XKR6: variants seen among roughly 807,000 people sequenced by gnomAD.
XKR6 encodes the protein XK-related protein 6.
XKR6 carries 22 observed loss-of-function variants against 56.7 expected under a neutral mutation model. The observed-to-expected ratio is 0.39, with a 90% CI of 0.28 to 0.55. XKR6 has a LOEUF of 0.55. XKR6 is among the 20% of genes least tolerant of loss of function. The pLI is 0.66. For missense variants in XKR6, 852 were observed against 889.0 expected (o/e 0.96, Z 0.53); for synonymous variants, 524 against 387.8 (o/e 1.35, Z -4.13).
chr8:11,146,300 C>A (rs901756893), intron 1 of XKR6, among the ~76,000 whole-genome samples: 3 of 152,230 alleles, frequency 2.0e-5, no homozygotes, highest in Middle Eastern at 3.4e-3. Flanking sequence ...ACAAAGATTT[C>A]TAAAATATGA....
At chr8:10,959,875 G>T (rs1355889138) in intron 1 of XKR6, among the ~76,000 whole-genome samples, 1 of 152,192 alleles carries the variant, frequency 6.6e-6, no homozygotes, top group Non-Finnish European at 1.5e-5. Context: ...GTGGGAAGTG[G>T]TTCTCCTTCC....
At chr8:11,006,582 G>T (rs867910011) in intron 1 of XKR6, among the ~76,000 whole-genome samples, 1 of 152,328 alleles carries the variant, frequency 6.6e-6, no homozygotes, top group East Asian at 1.9e-4. Flanking sequence ...CACACAGAGT[G>T]AAGACAATGT....
At chr8:10,952,173 TCAAAGCCCCTGCC>T (rs1329781070) in intron 1 of XKR6, among the ~76,000 whole-genome samples, 1 of 152,076 alleles carries the variant, frequency 6.6e-6, no homozygotes, top group Non-Finnish European at 1.5e-5. Flanking sequence ...AGAGGCTGCC[TCAAAGCCCCTGCC>T]CAGGAAGGGG....
intron 1 of XKR6, among the ~76,000 whole-genome samples, chr8:11,196,419 A>T (rs1378683623): frequency 6.7e-6 from 1 of 148,994 alleles, no homozygotes; most frequent in Non-Finnish European, 1.5e-5. Context: ...AAAAGCAAAC[A>T]AAACAAAACA....
chr8:11,141,854 G>C lies in XKR6; in HGVS notation c.764+58722C>G, dbSNP rs77974658. On this transcript the variant is annotated intron_variant, in intron 1 of 2. Coordinates refer to ENST00000416569, the MANE Select transcript of XKR6 (RefSeq NM_173683.4). ...AGAAGGTAGGACAGTAATTATCTTT[G>C]GTGGAGTAGGGAGCGGGGAGTGACT... Among the ~76,000 whole-genome samples the C allele has an allele frequency of 1.5e-3, 223 of 152,216 alleles. 3 individuals carry two copies. In the South Asian group the frequency reaches 0.019, roughly 13 times the overall value.
rs1206369623 is a variant in XKR6, at chr8:11,033,269, TGGC to T, written c.765-108442_765-108440del. 1.0e-4 allele frequency among the ~76,000 whole-genome samples: 15 copies of T among 149,696 alleles called. 1 individual carries two copies. In the South Asian group the frequency reaches 1.1e-3, roughly 11 times the overall value. ...ACAGTGGAGATGCTAATGATGATGA[TGGC>T]GATGATGACGATAGTGATGGTGATG... On this transcript the variant is annotated intron_variant, in intron 1 of 2. Transcript: ENST00000416569.
Position 10,897,442 on chromosome 8 carries a change from A to T in XKR6, c.*510T>A, listed in dbSNP as rs1799914601. 6.5e-6 allele frequency: 1 copy of T among 152,682 alleles called. No individual in the cohort carries two copies. The highest frequency in any genetic ancestry group is 1.5e-5 in the Non-Finnish European group (1 of 68,094). 9.5% of individuals were successfully genotyped at this position (152,682 alleles called of 1,614,324 possible). ...AAAAATCACCAGAGAGTTTTGCATG[A>T]GAAAACGTGACAGTACTTAATGAAA... On this transcript the variant is annotated 3_prime_UTR_variant, in exon 3 of 3. Transcript: ENST00000416569.
At chr8:10,931,117 A>G (rs972385832) in intron 1 of XKR6, among the ~76,000 whole-genome samples, 1 of 152,204 alleles carries the variant, frequency 6.6e-6, no homozygotes, top group Admixed American at 6.5e-5. Context: ...TGTAAAAGTC[A>G]ATTGCGTTTC....
chr8:11,156,370 G>C (rs1801519653), intron 1 of XKR6, among the ~76,000 whole-genome samples: 1 of 152,130 alleles, frequency 6.6e-6, no homozygotes, highest in Non-Finnish European at 1.5e-5. Context: ...GTAAAACTAT[G>C]TCTGAGAGCA....
At chr8:11,094,241 A>AT (rs1458021941) in intron 1 of XKR6, among the ~76,000 whole-genome samples, 2 of 151,866 alleles carry the variant, frequency 1.3e-5, no homozygotes. Flanking sequence ...ATATATACAT[A>AT]TATATGTATG....
chr8:10,925,048 C>G (rs1563291822), intron 1 of XKR6, among the ~76,000 whole-genome samples: 2 of 152,122 alleles, frequency 1.3e-5, no homozygotes, highest in African/African-American at 4.8e-5. Context: ...AAGGATTTGA[C>G]CCCTCGTGGA....
chr8:11,148,380 C>T lies in XKR6; in HGVS notation c.764+52196G>A, dbSNP rs539537376. 5.3e-5 allele frequency among the ~76,000 whole-genome samples: 8 copies of T among 152,256 alleles called. No homozygotes were observed. In the South Asian group the frequency reaches 1.5e-3, roughly 28 times the overall value. The stretch of plus-strand genomic sequence containing the variant: ...TGTAACAAGGCAGGTGGAGGGCAGC[C>T]GTCTGCAAGCCAAGAAGAGGGGCCT... On this transcript the variant is annotated intron_variant, in intron 1 of 2. Transcript: ENST00000416569.
At chr8:11,087,597 C>T (rs1443298574) in intron 1 of XKR6, among the ~76,000 whole-genome samples, 1 of 152,166 alleles carries the variant, frequency 6.6e-6, no homozygotes, top group African/African-American at 2.4e-5. Context: ...TGACCAGGAA[C>T]AATGAAAGCA....
chr8:11,164,325 C>G (rs1037885666), intron 1 of XKR6, among the ~76,000 whole-genome samples: 2 of 152,352 alleles, frequency 1.3e-5, no homozygotes, highest in South Asian at 2.1e-4. Flanking sequence ...ACTCGCTAGA[C>G]TTTTTCCTTT....
intron 1 of XKR6, among the ~76,000 whole-genome samples, chr8:11,047,760 A>T (rs1406425427): frequency 3.3e-5 from 5 of 152,220 alleles, no homozygotes; most frequent in Non-Finnish European, 2.9e-5. Context: ...GTTTACAGAT[A>T]GTTAAAATGG....
At chr8:11,085,677 C>T (rs1019555382) in intron 1 of XKR6, among the ~76,000 whole-genome samples, 13 of 152,158 alleles carry the variant, frequency 8.5e-5, no homozygotes, top group Non-Finnish European at 1.6e-4. Context: ...CCCTTCTGCC[C>T]TGCCTTGGTC....
chr8:10,917,500 G>C (rs1218950422), intron 2 of XKR6, among the ~76,000 whole-genome samples: 1 of 152,240 alleles, frequency 6.6e-6, no homozygotes, highest in African/African-American at 2.4e-5. Flanking sequence ...TGTGTCCCTT[G>C]AGCAGGAATG....
chr8:11,076,638 C>T (rs560699856), intron 1 of XKR6, among the ~76,000 whole-genome samples: 25 of 152,260 alleles, frequency 1.6e-4, no homozygotes, highest in African/African-American at 5.5e-4. Context: ...AGTAGCAAAG[C>T]GCCCCCAGCA....
intron 1 of XKR6, among the ~76,000 whole-genome samples, chr8:10,994,892 A>G (rs1798075149): frequency 6.6e-6 from 1 of 152,148 alleles, no homozygotes; most frequent in Non-Finnish European, 1.5e-5. Flanking sequence ...GGACAGCAAA[A>G]ACATGTGGAT....
Sources: allele counts gnomAD v4.1 joint callset (sites outside exome capture counted in the v4.1 genomes callset), GRCh38; gene constraint gnomAD v4.1.1; transcripts MANE v1.5; gene names NCBI Gene and HGNC (gene_info 2026-07-23, HGNC 2026-07-21).